Variants in TFEC observed in about 807,000 individuals in gnomAD.
The protein encoded by TFEC is class E basic helix-loop-helix protein 34.
A neutral mutation model predicts 41.6 loss-of-function variants in TFEC; 31 were observed. The observed-to-expected ratio is 0.74, with a 90% CI of 0.56 to 1.01. The LOEUF (loss-of-function observed/expected upper bound fraction) is 1.01, where lower values mean the gene tolerates loss of function less well. Among genes scored for constraint, TFEC ranks in the 50% least tolerant of loss-of-function variants. The pLI is 0.00. For missense variants in TFEC, 402 were observed against 404.1 expected (o/e 0.99, Z 0.04); for synonymous variants, 143 against 140.6 (o/e 1.02, Z -0.12).
intron 1 of TFEC, among the ~76,000 whole-genome samples, chr7:115,995,151 AACACTTGG>A (rs988618997): frequency 4.9e-5 from 7 of 143,814 alleles, no homozygotes; most frequent in African/African-American, 1.8e-4. Flanking sequence ...GAACAATGAG[AACACTTGG>A]ACACAGGGTG....
intron 3 of TFEC, among the ~76,000 whole-genome samples, chr7:116,079,827 G>A (rs1466639471): frequency 6.6e-6 from 1 of 151,622 alleles, no homozygotes; most frequent in Non-Finnish European, 1.5e-5. Context: ...CTAGAAAAAG[G>A]AATCCTAAAA....
chr7:116,059,108 T>G (rs1166307675), intron 3 of TFEC, among the ~76,000 whole-genome samples: 1 of 151,654 alleles, frequency 6.6e-6, no homozygotes, highest in African/African-American at 2.4e-5. Flanking sequence ...ATCAATAACA[T>G]CGACACTCTT....
intron 1 of TFEC, among the ~76,000 whole-genome samples, chr7:116,133,868 T>C (rs919796807): frequency 6.6e-6 from 1 of 152,142 alleles, no homozygotes; most frequent in Non-Finnish European, 1.5e-5. Context: ...TAGAATACTA[T>C]TGAATTAGTT....
In TFEC at chr7:115,946,754, T is replaced by C. The variant is rs533342305; in HGVS notation, c.515+4120A>G. ...AGGTCGGATCACACCCAGGTTGATC[T>C]TGAACTCCCGGCCTCAAACAATCTT... On this transcript the variant is annotated intron_variant, in intron 6 of 7. Coordinates refer to ENST00000265440, the MANE Select transcript of TFEC (RefSeq NM_012252.4). Among the ~76,000 whole-genome samples the C allele has an allele frequency of 1.7e-4, 25 of 150,618 alleles. 2 individuals are homozygous for C. Among genetic ancestry groups the C allele is most frequent in the South Asian group, 1.6e-3 (7 of 4,368 alleles).
At chr7:116,026,345 T>C (rs1045852638) in intron 1 of TFEC, among the ~76,000 whole-genome samples, 6 of 152,220 alleles carry the variant, frequency 3.9e-5, no homozygotes, top group Admixed American at 1.3e-4. Context: ...TTTGAACCCT[T>C]TCCAGATTGG....
At chr7:115,958,606 T>TG (rs1209779170) in intron 3 of TFEC, among the ~76,000 whole-genome samples, 2 of 151,754 alleles carry the variant, frequency 1.3e-5, no homozygotes, top group African/African-American at 2.4e-5. Context: ...AAGTAAGAGG[T>TG]ACCTAACTAT....
chr7:116,080,408 T>C (rs2131053508), intron 3 of TFEC, among the ~76,000 whole-genome samples: 1 of 152,154 alleles, frequency 6.6e-6, no homozygotes. Flanking sequence ...AGAAAATCTT[T>C]ACAATGTATG....
intron 1 of TFEC, among the ~76,000 whole-genome samples, chr7:115,987,842 C>T (rs969873662): frequency 6.6e-5 from 10 of 151,886 alleles, no homozygotes; most frequent in African/African-American, 2.4e-4. Flanking sequence ...TAGAGTAAAT[C>T]TTGGGAATCC....
intron 3 of TFEC, among the ~76,000 whole-genome samples, chr7:115,960,461 A>G (rs1350804797): frequency 6.6e-6 from 1 of 151,700 alleles, no homozygotes; most frequent in Non-Finnish European, 1.5e-5. Flanking sequence ...AATTGATCGA[A>G]TATCTTGGTA....
At chr7:115,999,696 G>A (rs193165478) in intron 1 of TFEC, among the ~76,000 whole-genome samples, 1 of 152,020 alleles carries the variant, frequency 6.6e-6, no homozygotes, top group African/African-American at 2.4e-5. Flanking sequence ...ACTGTGATAT[G>A]AGCAAGTATA....
chr7:116,105,034 A>AT (rs1050928449), intron 3 of TFEC, among the ~76,000 whole-genome samples: 11 of 152,140 alleles, frequency 7.2e-5, no homozygotes, highest in African/African-American at 2.7e-4. Context: ...ATCTCTTGGT[A>AT]TTTTTTATAT....
intron 1 of TFEC, among the ~76,000 whole-genome samples, chr7:116,143,223 T>A (rs1161603383): frequency 6.6e-6 from 1 of 152,154 alleles, no homozygotes; most frequent in Non-Finnish European, 1.5e-5. Context: ...CCAACAAATA[T>A]ACTGGTTGAC....
chr7:116,110,064 C>G (rs1458739881), intron 3 of TFEC, among the ~76,000 whole-genome samples: 1 of 152,026 alleles, frequency 6.6e-6, no homozygotes, highest in South Asian at 2.1e-4. Flanking sequence ...CATCACACAC[C>G]AGGGCCTGTC....
At chr7:115,947,285 G>T (rs890401229) in intron 6 of TFEC, among the ~76,000 whole-genome samples, 4 of 151,488 alleles carry the variant, frequency 2.6e-5, no homozygotes, top group Non-Finnish European at 4.4e-5. Context: ...TTCCATGGTG[G>T]ATATGTGCCA....
At chr7:116,023,202 C>G (rs1795464793) in intron 1 of TFEC, among the ~76,000 whole-genome samples, 1 of 152,052 alleles carries the variant, frequency 6.6e-6, no homozygotes, top group East Asian at 1.9e-4. Flanking sequence ...TGATTCAATA[C>G]TTATCTATCA....
chr7:115,935,555 T>A lies in TFEC; in HGVS notation c.*4996A>T, dbSNP rs1793187993. 2 of 151,888 alleles carry A rather than the reference T, an allele frequency of 1.3e-5. No individual in the cohort carries two copies. The highest frequency in any genetic ancestry group is 4.1e-4 in the South Asian group (2 of 4,836). 9.4% of individuals were successfully genotyped at this position (151,888 alleles called of 1,614,324 possible). ...TTTCGTTTGCTTTTAAAATTCAGTATCATATTTAAAGAACAATATGTAACT... is the reference window on the plus strand; with the variant it reads ...TTTCGTTTGCTTTTAAAATTCAGTAACATATTTAAAGAACAATATGTAACT... On this transcript the variant is annotated 3_prime_UTR_variant, in exon 8 of 8. Transcript: ENST00000265440.
intron 6 of TFEC, among the ~76,000 whole-genome samples, chr7:115,949,202 A>C (rs1046513819): frequency 1.3e-5 from 2 of 152,164 alleles, no homozygotes; most frequent in East Asian, 1.9e-4. Context: ...ATAAAAGAGC[A>C]TACAAAGAAA....
intron 1 of TFEC, among the ~76,000 whole-genome samples, chr7:115,985,491 A>T (rs149192042): frequency 1.6e-3 from 243 of 152,240 alleles, no homozygotes; most frequent in African/African-American, 5.6e-3. Context: ...ACAATAGTAA[A>T]GATTGCTGTA....
intron 1 of TFEC, among the ~76,000 whole-genome samples, chr7:116,122,811 C>T (rs922733784): frequency 2.0e-5 from 3 of 152,010 alleles, no homozygotes; most frequent in Non-Finnish European, 4.4e-5. Flanking sequence ...ATGCCCCTTC[C>T]CCCCACTTTC....
Sources: allele counts gnomAD v4.1 joint callset (sites outside exome capture counted in the v4.1 genomes callset), GRCh38; gene constraint gnomAD v4.1.1; transcripts MANE v1.5; gene names NCBI Gene and HGNC (gene_info 2026-07-23, HGNC 2026-07-21).